SOX5: variants seen among roughly 807,000 people sequenced by gnomAD.
The protein encoded by SOX5 is transcription factor SOX-5.
SOX5 carries 9 observed loss-of-function variants against 92.0 expected under a neutral mutation model. That is an observed-to-expected ratio of 0.10 (90% CI 0.06 to 0.17). SOX5 has a LOEUF of 0.17. Ranked by LOEUF, SOX5 falls within the 10% of genes least tolerant of loss-of-function variation. SOX5 has a pLI of 1.00. For synonymous variants in SOX5, 344 were observed against 336.3 expected (o/e 1.02, Z -0.25); for missense variants, 642 against 944.5 (o/e 0.68, Z 4.20).
chr12:23,881,356 G>A (rs1042410476), intron 2 of SOX5, among the ~76,000 whole-genome samples: 7 of 151,630 alleles, frequency 4.6e-5, no homozygotes, highest in African/African-American at 1.2e-4. Context: ...TCATTCCCTC[G>A]CAATTTCTTT....
chr12:24,198,526 G>A (rs1957219358), intron 4 of SOX5, among the ~76,000 whole-genome samples: 1 of 152,336 alleles, frequency 6.6e-6, no homozygotes, highest in South Asian at 2.1e-4. Context: ...GGCAGGGTAT[G>A]TGTCACGTCT....
intron 6 of SOX5, among the ~76,000 whole-genome samples, chr12:23,670,602 G>C (rs1443500300): frequency 6.6e-6 from 1 of 152,120 alleles, no homozygotes; most frequent in Non-Finnish European, 1.5e-5. Context: ...CTGAGGAATG[G>C]AGCTATATAA....
rs376693660 is a variant in SOX5, at chr12:24,130,474, C to T, written c.-2+82869G>A. Among the ~76,000 whole-genome samples the T allele has an allele frequency of 8.5e-4, 130 of 152,214 alleles. 1 individual carries two copies. In the South Asian group the frequency reaches 0.01, roughly 12 times the overall value. Reference sequence around the variant, plus strand: ...AAATCTAATCCTGCTCAAATCTGTGCTAAACTTTGAAATCCTGCATTGTTA... The same window carrying T: ...AAATCTAATCCTGCTCAAATCTGTGTTAAACTTTGAAATCCTGCATTGTTA... On this transcript the variant is annotated intron_variant, in intron 4 of 4. Coordinates refer to the SOX5 transcript ENST00000446891.
At chr12:24,444,269 A>AAT (rs1251462376) in intron 1 of SOX5, among the ~76,000 whole-genome samples, 2 of 61,732 alleles carry the variant, frequency 3.2e-5, no homozygotes, top group African/African-American at 6.5e-5. Flanking sequence ...CAGGCCACTG[A>AAT]ATGTGTGTGT....
intron 2 of SOX5, among the ~76,000 whole-genome samples, chr12:23,858,767 G>A (rs1282732651): frequency 6.6e-6 from 1 of 152,148 alleles, no homozygotes; most frequent in Non-Finnish European, 1.5e-5. Context: ...ACTGTTTACT[G>A]TTGCAGAAAG....
chr12:23,602,109 T>C (rs943499947), intron 9 of SOX5, among the ~76,000 whole-genome samples: 4 of 152,172 alleles, frequency 2.6e-5, no homozygotes, highest in African/African-American at 7.2e-5. Context: ...CAAAAAGTCA[T>C]TGAATTTCAA....
chr12:23,606,236 C>G, intron 8 of SOX5, among the ~76,000 whole-genome samples: 1 of 151,720 alleles, frequency 6.6e-6, no homozygotes, highest in Non-Finnish European at 1.5e-5. Flanking sequence ...AAAACTCTGA[C>G]CAGTAGAATG....
intron 4 of SOX5, among the ~76,000 whole-genome samples, chr12:24,009,462 T>C (rs1314106086): frequency 6.6e-6 from 1 of 152,106 alleles, no homozygotes; most frequent in African/African-American, 2.4e-5. Flanking sequence ...CAGAGTAGAC[T>C]ACACTTAGAT....
At chr12:23,768,164 T>C (rs2094802281) in intron 3 of SOX5, among the ~76,000 whole-genome samples, 1 of 152,026 alleles carries the variant, frequency 6.6e-6, no homozygotes, top group African/African-American at 2.4e-5. Context: ...GTTAAAAAAT[T>C]AAGGTATAGA....
At chr12:24,075,715 TCTAA>T (rs1213451747) in intron 4 of SOX5, among the ~76,000 whole-genome samples, 2 of 152,322 alleles carry the variant, frequency 1.3e-5, no homozygotes, top group African/African-American at 2.4e-5. Context: ...TCAGCTGGAC[TCTAA>T]CTGAGAGTAA....
At chr12:24,322,644 T>TCA (rs976655353) in intron 2 of SOX5, among the ~76,000 whole-genome samples, 5 of 152,150 alleles carry the variant, frequency 3.3e-5, no homozygotes, top group Admixed American at 3.3e-4. Context: ...TACTGAATTA[T>TCA]CACACATTTT....
chr12:23,806,343 G>T (rs181830337), intron 3 of SOX5, among the ~76,000 whole-genome samples: 6 of 152,206 alleles, frequency 3.9e-5, no homozygotes, highest in African/African-American at 1.2e-4. Context: ...CAAGAAGCAC[G>T]CATCAACACC....
intron 1 of SOX5, among the ~76,000 whole-genome samples, chr12:24,451,700 G>A (rs985361424): frequency 6.6e-6 from 1 of 151,966 alleles, no homozygotes; most frequent in Non-Finnish European, 1.5e-5. Flanking sequence ...TTTTAACCTG[G>A]GCTCTAACCG....
At chr12:24,502,060 T>C (rs1256879625) in intron 1 of SOX5, among the ~76,000 whole-genome samples, 1 of 152,214 alleles carries the variant, frequency 6.6e-6, no homozygotes, top group Non-Finnish European at 1.5e-5. Context: ...GGAAACAGCC[T>C]TCCAGGCTCC....
chr12:23,615,328 T>C (rs908859971), intron 8 of SOX5, among the ~76,000 whole-genome samples: 11 of 152,198 alleles, frequency 7.2e-5, no homozygotes, highest in African/African-American at 2.7e-4. Flanking sequence ...ATTACTTATA[T>C]ATTTGAGTTT....
chr12:23,554,410 G>T (rs1022830724), intron 11 of SOX5, among the ~76,000 whole-genome samples: 3 of 152,102 alleles, frequency 2.0e-5, no homozygotes, highest in Non-Finnish European at 4.4e-5. Flanking sequence ...TGGGGCACAG[G>T]CGAATTGAAC....
intron 4 of SOX5, among the ~76,000 whole-genome samples, chr12:24,086,571 CAGA>C (rs906622971): frequency 5.9e-5 from 9 of 151,816 alleles, no homozygotes; most frequent in Non-Finnish European, 8.8e-5. Context: ...TGAAGCTAGT[CAGA>C]AGAAGAACAT....
intron 1 of SOX5, among the ~76,000 whole-genome samples, chr12:23,938,525 TTCAA>T (rs1358242532): frequency 6.6e-6 from 1 of 151,124 alleles, no homozygotes; most frequent in Non-Finnish European, 1.5e-5. Context: ...TTTTCAGTTG[TTCAA>T]TCATTTATTC....
intron 3 of SOX5, among the ~76,000 whole-genome samples, chr12:23,831,733 T>C (rs902932609): frequency 1.3e-5 from 2 of 152,078 alleles, no homozygotes; most frequent in Non-Finnish European, 2.9e-5. Flanking sequence ...GCAAAGATTA[T>C]CTGAAGAAGT....
Sources: allele counts gnomAD v4.1 joint callset (sites outside exome capture counted in the v4.1 genomes callset), GRCh38; gene constraint gnomAD v4.1.1; transcripts MANE v1.5; gene names NCBI Gene and HGNC (gene_info 2026-07-23, HGNC 2026-07-21).